SLC9A8: variants seen among roughly 807,000 people sequenced by gnomAD.
The protein encoded by SLC9A8 is solute carrier family 9 member A8, also known as sodium/hydrogen exchanger 8.
A neutral mutation model predicts 66.6 loss-of-function variants in SLC9A8; 48 were observed. The observed-to-expected ratio is 0.72, with a 90% confidence interval of 0.57 to 0.92. The LOEUF (loss-of-function observed/expected upper bound fraction) is 0.92, where lower values mean the gene tolerates loss of function less well. SLC9A8 is among the 40% of genes least tolerant of loss of function. SLC9A8 has a pLI of 0.00. For synonymous variants in SLC9A8, 274 were observed against 282.6 expected (o/e 0.97, Z 0.31); for missense variants, 599 against 747.3 (o/e 0.80, Z 2.31).
At chr20:49,885,942 G>A (rs975806802) in intron 14 of SLC9A8, among the ~76,000 whole-genome samples, 1 of 152,216 alleles carries the variant, frequency 6.6e-6, no homozygotes, top group African/African-American at 2.4e-5. Context: ...CAGACCTACT[G>A]AATTAGCACC....
chr20:49,833,558 G>T (rs966833155), intron 3 of SLC9A8, among the ~76,000 whole-genome samples: 1 of 152,126 alleles, frequency 6.6e-6, no homozygotes, highest in Non-Finnish European at 1.5e-5. Flanking sequence ...GTGCACTCTG[G>T]GAGTGAGCGA....
At chr20:49,817,242 G>A (rs1276124047) in intron 2 of SLC9A8, among the ~76,000 whole-genome samples, 3 of 151,780 alleles carry the variant, frequency 2.0e-5, no homozygotes, top group Non-Finnish European at 4.4e-5. Context: ...ACTTGAACCC[G>A]GGAGGCAGAG....
Position 49,864,885 on chromosome 20 carries a change from C to T in SLC9A8, c.958+41C>T, listed in dbSNP as rs760113391. Reference sequence around the variant, plus strand: ...CCTGAAAGTGCTGTGGTGATGGCATCTTGTCCTGCCTGGGGAAAGAGGCTT... The same window carrying T: ...CCTGAAAGTGCTGTGGTGATGGCATTTTGTCCTGCCTGGGGAAAGAGGCTT... On this transcript the variant is annotated intron_variant, in intron 10 of 15. Transcript: ENST00000361573. 1.0e-5 allele frequency: 13 copies of T among 1,284,886 alleles called. No individual in the cohort carries two copies. In the Middle Eastern group the frequency reaches 5.5e-4, roughly 55 times the overall value. The allele number at this position is 1,284,886 out of a possible 1,614,324, so 79.6% of individuals were successfully genotyped here.
chr20:49,834,435 A>G lies in SLC9A8; in HGVS notation c.290-5106A>G, dbSNP rs59754712. Among the ~76,000 whole-genome samples, 101 of 25,478 alleles carry G rather than the reference A, an allele frequency of 4.0e-3. 4 individuals are homozygous for G. Among genetic ancestry groups the G allele is most frequent in the East Asian group, 0.026 (16 of 606 alleles). The allele number at this position is 25,478 out of a possible 152,430, so 16.7% of individuals were successfully genotyped here. On this transcript the variant is annotated intron_variant, in intron 3 of 15. Transcript: ENST00000361573. ...TATATATACTGTATATATATACTGT[A>G]TATATATATATATACTGTATATATA...
chr20:49,865,979 C>T (rs1164362394), intron 10 of SLC9A8, among the ~76,000 whole-genome samples: 1 of 152,192 alleles, frequency 6.6e-6, no homozygotes, highest in Non-Finnish European at 1.5e-5. Flanking sequence ...GTATAATTTA[C>T]ACACAATACA....
intron 4 of SLC9A8, among the ~76,000 whole-genome samples, chr20:49,843,206 T>C (rs563394255): frequency 1.3e-5 from 2 of 151,984 alleles, no homozygotes; most frequent in African/African-American, 4.8e-5. Flanking sequence ...TGGGGGGGGC[T>C]AGTTTTTATA....
chr20:49,863,001 C>T lies in SLC9A8; in HGVS notation c.786C>T (p.Asp262=). The change falls in exon 9 of 16, where the codon GAC becomes GAT. Residue 262 remains aspartate (D), a synonymous_variant. Coordinates refer to ENST00000361573, the MANE Select transcript of SLC9A8 (RefSeq NM_015266.3). The stretch of plus-strand genomic sequence containing the variant: ...GGCAAACATTTTTACAAGCCCTTGA[C>T]TACTTCCTCAAAATGTTCTTTGGCT... ...SGWQTFLQAL[D]YFLKMFFGSA... 6.2e-7 allele frequency: 1 copy of T among 1,613,716 alleles called. No homozygotes were observed. Among genetic ancestry groups the T allele is most frequent in the Non-Finnish European group, 8.5e-7 (1 of 1,179,596 alleles).
intron 10 of SLC9A8, among the ~76,000 whole-genome samples, chr20:49,873,482 CA>C (rs3092533): frequency 0.53 from 54,746 of 103,016 alleles, 12,284 homozygotes; most frequent in East Asian, 0.72. Context: ...ACCCTGTCTC[CA>C]AAAAAAAAAA....
At chr20:49,839,710 C>A in intron 4 of SLC9A8, 111 bp downstream of exon 4, 1 of 548,778 alleles carries the variant, frequency 1.8e-6, no homozygotes, top group Non-Finnish European at 3.1e-6. Flanking sequence ...TGTTATATAT[C>A]CCATTACTTT....
chr20:49,828,607 G>A (rs904369191), intron 3 of SLC9A8, among the ~76,000 whole-genome samples: 9 of 151,036 alleles, frequency 6.0e-5, no homozygotes, highest in Admixed American at 2.6e-4. Context: ...GGAGGCCGAG[G>A]TGGCCGGATC....
chr20:49,814,015 A>G (rs2086457363), intron 1 of SLC9A8, among the ~76,000 whole-genome samples: 1 of 152,184 alleles, frequency 6.6e-6, no homozygotes, highest in African/African-American at 2.4e-5. Flanking sequence ...GAAGATGAAT[A>G]AGGAACCCCT....
chr20:49,815,087 C>A lies in SLC9A8; in HGVS notation c.106C>A (p.Pro36Thr). The A allele has an allele frequency of 6.2e-7, 1 of 1,609,240 alleles. No homozygotes were observed. Among genetic ancestry groups the A allele is most frequent in the East Asian group, 2.2e-5 (1 of 44,452 alleles). The change falls in exon 2 of 16, where the codon CCG becomes ACG. Residue 36 changes from proline to threonine, a missense_variant. Pro to Thr is a conservative substitution (Grantham distance 38, BLOSUM62 -1). Transcript: ENST00000361573. The stretch of plus-strand genomic sequence containing the variant: ...GGTTGTCACGACGAAACTGGTGCTC[C>A]CGACCCCTGGCAAGCCCATCCTCCC... Reference protein sequence around the residue: ...TLVVTTKLVLPTPGKPILPVQ... With the variant: ...TLVVTTKLVLTTPGKPILPVQ...
chr20:49,881,908 T>C (rs1432148606), intron 13 of SLC9A8, among the ~76,000 whole-genome samples: 1 of 152,094 alleles, frequency 6.6e-6, no homozygotes, highest in African/African-American at 2.4e-5. Flanking sequence ...GTGGGCTATT[T>C]GGGAAGGGGG....
In SLC9A8 at chr20:49,863,189, AT is replaced by A. The variant is rs1301725359; in HGVS notation, c.852+129del. On this transcript the variant is annotated intron_variant, in intron 9 of 15. Transcript: ENST00000361573. The stretch of plus-strand genomic sequence containing the variant: ...AGATGAAGATTTTGCTTAAAGGAGG[AT>A]TTTTTTGCTTAGTTTTTGTTTGAGA... 16 of 857,892 alleles carry A rather than the reference AT, an allele frequency of 1.9e-5. No homozygotes were observed. In the East Asian group the frequency reaches 1.9e-4, roughly 10 times the overall value. The allele number at this position is 857,892 out of a possible 1,614,324, so 53.1% of individuals were successfully genotyped here.
chr20:49,884,357 A>G (rs1262835114), intron 14 of SLC9A8, among the ~76,000 whole-genome samples: 1 of 118,770 alleles, frequency 8.4e-6, no homozygotes, highest in Non-Finnish European at 1.8e-5. Context: ...ATCCCCCCTG[A>G]GAAGGAGGTG....
intron 10 of SLC9A8, among the ~76,000 whole-genome samples, chr20:49,872,776 C>T (rs990094609): frequency 2.6e-5 from 4 of 152,212 alleles, no homozygotes; most frequent in South Asian, 2.1e-4. Context: ...TGAGCCACCG[C>T]GCCCGGCCGA....
chr20:49,842,533 G>A (rs1238686352), intron 4 of SLC9A8, among the ~76,000 whole-genome samples: 1 of 152,282 alleles, frequency 6.6e-6, no homozygotes, highest in Non-Finnish European at 1.5e-5. Flanking sequence ...CCTTAGAAGC[G>A]GTATTGCCAT....
intron 5 of SLC9A8, among the ~76,000 whole-genome samples, chr20:49,846,972 A>G (rs1253902472): frequency 6.6e-6 from 1 of 152,202 alleles, no homozygotes; most frequent in African/African-American, 2.4e-5. Context: ...CATGGTATAA[A>G]ATAAATAAAT....
intron 11 of SLC9A8, among the ~76,000 whole-genome samples, chr20:49,876,018 C>T (rs2089415077): frequency 1.3e-5 from 2 of 152,280 alleles, no homozygotes; most frequent in Middle Eastern, 3.4e-3. Flanking sequence ...GGATTACAGG[C>T]ATGAGCCACC....
Sources: allele counts gnomAD v4.1 joint callset (sites outside exome capture counted in the v4.1 genomes callset), GRCh38; gene constraint gnomAD v4.1.1; transcripts MANE v1.5; gene names NCBI Gene and HGNC (gene_info 2026-07-23, HGNC 2026-07-21).